Variants in SGK3 observed in about 807,000 individuals in gnomAD.
The protein encoded by SGK3 is serine/threonine-protein kinase Sgk3.
SGK3 carries 47 observed loss-of-function variants against 68.5 expected under a neutral mutation model. The ratio of observed to expected loss-of-function variants is 0.69; its 90% CI spans 0.54 to 0.87. The LOEUF is 0.87. Ranked by LOEUF, SGK3 falls within the 40% of genes least tolerant of loss-of-function variation. SGK3 has a pLI of 0.00. For missense variants in SGK3, 479 were observed against 575.5 expected (o/e 0.83, Z 1.72); for synonymous variants, 181 against 189.1 (o/e 0.96, Z 0.35).
chr8:66,760,358 G>A (rs561542667), intron 1 of SGK3, among the ~76,000 whole-genome samples: 69 of 127,690 alleles, frequency 5.4e-4, no homozygotes, highest in African/African-American at 2.0e-3. Flanking sequence ...TTTTTGAGAC[G>A]GAGTCTTGCC....
chr8:66,751,610 T>C (rs1308080487), intron 1 of SGK3, among the ~76,000 whole-genome samples: 1 of 152,152 alleles, frequency 6.6e-6, no homozygotes, highest in Non-Finnish European at 1.5e-5. Flanking sequence ...TTTTGAATTA[T>C]TTAAAACAAT....
At chr8:66,783,951 G>A (rs1807095366) in intron 1 of SGK3, among the ~76,000 whole-genome samples, 1 of 152,138 alleles carries the variant, frequency 6.6e-6, no homozygotes, top group Non-Finnish European at 1.5e-5. Context: ...GTGCAGTGGT[G>A]CAATCTCAAG....
intron 8 of SGK3, among the ~76,000 whole-genome samples, chr8:66,834,627 C>T (rs1309773740): frequency 6.6e-6 from 1 of 151,936 alleles, no homozygotes; most frequent in African/African-American, 2.4e-5. Context: ...TGATTAGAAA[C>T]CAACAAAGTG....
intron 14 of SGK3, 42 bp downstream of exon 14, chr8:66,843,589 G>T (rs772127016): frequency 3.8e-6 from 6 of 1,576,000 alleles, no homozygotes; most frequent in South Asian, 3.4e-5. Context: ...TATTATCATT[G>T]ATTTGATTGT....
At chr8:66,842,126 C>A (rs1256374081) in intron 13 of SGK3, among the ~76,000 whole-genome samples, 1 of 151,794 alleles carries the variant, frequency 6.6e-6, no homozygotes, top group Non-Finnish European at 1.5e-5. Context: ...ATATTTATAA[C>A]CATTGTGTTT....
intron 1 of SGK3, among the ~76,000 whole-genome samples, chr8:66,724,773 G>C (rs976422359): frequency 3.3e-5 from 5 of 152,126 alleles, no homozygotes; most frequent in African/African-American, 1.2e-4. Flanking sequence ...ATTATGTTTT[G>C]CTTGACTACA....
intron 14 of SGK3, among the ~76,000 whole-genome samples, chr8:66,844,012 A>C (rs906814024): frequency 1.4e-4 from 21 of 151,574 alleles, no homozygotes; most frequent in African/African-American, 1.9e-4. Context: ...AAAAAAAAAA[A>C]AAAAAAACCC....
intron 8 of SGK3, among the ~76,000 whole-genome samples, chr8:66,833,444 G>C (rs1047925910): frequency 6.6e-6 from 1 of 152,148 alleles, no homozygotes; most frequent in Non-Finnish European, 1.5e-5. Flanking sequence ...ACAGAATTAA[G>C]TCCTCCCTTC....
At chr8:66,834,736 G>T (rs1013668836) in intron 8 of SGK3, among the ~76,000 whole-genome samples, 2 of 151,720 alleles carry the variant, frequency 1.3e-5, no homozygotes, top group South Asian at 4.2e-4. Flanking sequence ...AATCGAGACC[G>T]TCCTGGCTAA....
In SGK3 at chr8:66,847,176, C is replaced by CT. The variant is rs374703407; in HGVS notation, c.1075-5dup. 0.032 allele frequency: 31,661 copies of CT among 981,660 alleles called. No individual in the cohort carries two copies. The highest frequency in any genetic ancestry group is 0.046 in the South Asian group (2,616 of 57,368). The allele number at this position is 981,660 out of a possible 1,614,324, so 60.8% of individuals were successfully genotyped here. ...TTTGTTTACCACTAAGTTTATTTTGCTTTTTTTTTTTTCCAGCCTCCTTTT... is the reference window on the plus strand; with the variant it reads ...TTTGTTTACCACTAAGTTTATTTTGCTTTTTTTTTTTTTCCAGCCTCCTTTT... On this transcript the variant is annotated splice_polypyrimidine_tract_variant and intron_variant, in intron 14 of 16. Coordinates refer to ENST00000521198, the MANE Select transcript of SGK3 (RefSeq NM_001033578.3).
chr8:66,751,549 A>G (rs909748682), intron 1 of SGK3, among the ~76,000 whole-genome samples: 1 of 152,112 alleles, frequency 6.6e-6, no homozygotes, highest in Non-Finnish European at 1.5e-5. Flanking sequence ...CATTGAGCAC[A>G]TCTTATAATT....
At chr8:66,851,795 A>C (rs529175893) in intron 16 of SGK3, among the ~76,000 whole-genome samples, 1 of 152,200 alleles carries the variant, frequency 6.6e-6, no homozygotes, top group Non-Finnish European at 1.5e-5. Context: ...AATTGTTAAT[A>C]ATCATCAGTA....
At chr8:66,736,751 C>T (rs1805327617) in intron 1 of SGK3, among the ~76,000 whole-genome samples, 2 of 151,984 alleles carry the variant, frequency 1.3e-5, no homozygotes, top group South Asian at 2.1e-4. Context: ...TACCGAGTGA[C>T]TGGGATTATA....
At chr8:66,781,091 T>C (rs1182137332) in intron 1 of SGK3, among the ~76,000 whole-genome samples, 1 of 152,168 alleles carries the variant, frequency 6.6e-6, no homozygotes, top group Non-Finnish European at 1.5e-5. Context: ...GGAATTGGCC[T>C]TGGGCGTGTT....
chr8:66,762,033 C>CTTTTTTTTTTTTTTTTTTTTTTTTTTT (rs555306715), intron 1 of SGK3, among the ~76,000 whole-genome samples: 1 of 151,404 alleles, frequency 6.6e-6, no homozygotes, highest in African/African-American at 2.4e-5. Flanking sequence ...TTTTTAGACT[C>CTTTTTTTTTTTTTTTTTTTTTTTTTTT]TTTTTTTTTG....
chr8:66,737,091 T>TC (rs1440508051), intron 1 of SGK3: 1 of 150,312 alleles, frequency 6.7e-6, no homozygotes, highest in East Asian at 1.9e-4. Flanking sequence ...AATATTCCTT[T>TC]TTTTTTTTTT....
At chr8:66,781,772 G>A (rs6998777) in intron 1 of SGK3, among the ~76,000 whole-genome samples, 19,760 of 152,152 alleles carry the variant, frequency 0.13, 2,436 homozygotes, top group African/African-American at 0.32. Flanking sequence ...AATCGGATAA[G>A]TAAAAGGTGC....
chr8:66,734,604 C>T (rs1223592698), intron 1 of SGK3, among the ~76,000 whole-genome samples: 2 of 151,932 alleles, frequency 1.3e-5, no homozygotes, highest in Admixed American at 1.3e-4. Context: ...CCCCCTTATC[C>T]ATAGTGTTGC....
intron 1 of SGK3, among the ~76,000 whole-genome samples, chr8:66,747,765 C>T (rs1389197240): frequency 2.0e-5 from 3 of 152,062 alleles, no homozygotes; most frequent in Non-Finnish European, 4.4e-5. Flanking sequence ...ATTATGCTGC[C>T]GTTTTGTACC....
Sources: allele counts gnomAD v4.1 joint callset (sites outside exome capture counted in the v4.1 genomes callset), GRCh38; gene constraint gnomAD v4.1.1; transcripts MANE v1.5; gene names NCBI Gene and HGNC (gene_info 2026-07-23, HGNC 2026-07-21).